The following DLGAP1 variants were observed in gnomAD, a reference collection of about 807,000 sequenced individuals.
DLGAP1 encodes the protein disks large-associated protein 1.
In DLGAP1, 11 loss-of-function variants were observed where a neutral mutation model predicts 90.8. That is an observed-to-expected ratio of 0.12 (90% CI 0.08 to 0.20). DLGAP1 has a LOEUF of 0.20. Among genes scored for constraint, DLGAP1 ranks in the 10% least tolerant of loss-of-function variants. The pLI is 1.00. For missense variants in DLGAP1, 1,050 were observed against 1,333.8 expected (o/e 0.79, Z 3.31); for synonymous variants, 558 against 540.7 (o/e 1.03, Z -0.44).
chr18:3,726,311 T>C (rs748950856), intron 7 of DLGAP1, among the ~76,000 whole-genome samples: 1 of 152,178 alleles, frequency 6.6e-6, no homozygotes, highest in Non-Finnish European at 1.5e-5. Flanking sequence ...TTAGGTCCTG[T>C]AAGAAAATCA....
intron 7 of DLGAP1, among the ~76,000 whole-genome samples, chr18:3,617,464 G>A (rs1177010075): frequency 1.3e-5 from 2 of 152,088 alleles, no homozygotes; most frequent in East Asian, 3.9e-4. Context: ...GCTGGGCGTG[G>A]TGGTGGGCGC....
intron 2 of DLGAP1, among the ~76,000 whole-genome samples, chr18:4,038,875 G>T (rs1274552837): frequency 6.6e-6 from 1 of 152,052 alleles, no homozygotes; most frequent in Non-Finnish European, 1.5e-5. Flanking sequence ...CAAACTTGGT[G>T]CCTTAAAACC....
chr18:4,339,841 A>C (rs1479033547), intron 1 of DLGAP1, among the ~76,000 whole-genome samples: 6 of 152,226 alleles, frequency 3.9e-5, no homozygotes, highest in Non-Finnish European at 8.8e-5. Flanking sequence ...ACAAAAAGTG[A>C]AAGAAGATAT....
intron 4 of DLGAP1, among the ~76,000 whole-genome samples, chr18:3,878,889 A>T (rs891001428): frequency 2.6e-5 from 4 of 152,162 alleles, no homozygotes. Context: ...TTTTCAAAGC[A>T]CTTGGATATC....
At chr18:3,932,649 G>A (rs1281653959) in intron 3 of DLGAP1, among the ~76,000 whole-genome samples, 1 of 152,168 alleles carries the variant, frequency 6.6e-6, no homozygotes, top group Non-Finnish European at 1.5e-5. Context: ...CCTGGTCTCT[G>A]TCAATCTATC....
chr18:4,362,458 T>A (rs947649709), intron 1 of DLGAP1, among the ~76,000 whole-genome samples: 1 of 152,124 alleles, frequency 6.6e-6, no homozygotes, highest in African/African-American at 2.4e-5. Flanking sequence ...TTACACTAAG[T>A]GAAATAAGCC....
chr18:4,423,687 C>T (rs1464538008), intron 1 of DLGAP1, among the ~76,000 whole-genome samples: 1 of 151,922 alleles, frequency 6.6e-6, no homozygotes, highest in Non-Finnish European at 1.5e-5. Flanking sequence ...CCTCTTCTAA[C>T]ACATACCTAA....
At chr18:3,571,591 A>T (rs1305964313) in intron 8 of DLGAP1, 3 of 151,836 alleles carry the variant, frequency 2.0e-5, no homozygotes, top group Non-Finnish European at 4.4e-5. Context: ...GCAGTGGCGC[A>T]GTCTCGGCTC....
chr18:3,551,394 G>T (rs1164923493), intron 9 of DLGAP1, among the ~76,000 whole-genome samples: 1 of 151,386 alleles, frequency 6.6e-6, no homozygotes, highest in East Asian at 2.0e-4. Context: ...GATTACAGGT[G>T]CCCACCATCA....
intron 7 of DLGAP1, among the ~76,000 whole-genome samples, chr18:3,683,393 C>G (rs1387185911): frequency 6.6e-6 from 1 of 152,156 alleles, no homozygotes; most frequent in Non-Finnish European, 1.5e-5. Flanking sequence ...TGTTCTGATA[C>G]AATCCTGTAA....
At chr18:4,340,023 C>T (rs1035710425) in intron 1 of DLGAP1, among the ~76,000 whole-genome samples, 1 of 152,066 alleles carries the variant, frequency 6.6e-6, no homozygotes, top group Non-Finnish European at 1.5e-5. Context: ...TCTTCCAAGA[C>T]CCCCAGCTGA....
intron 1 of DLGAP1, among the ~76,000 whole-genome samples, chr18:4,365,321 C>G (rs1376183190): frequency 6.6e-6 from 1 of 152,046 alleles, no homozygotes; most frequent in Admixed American, 6.6e-5. Flanking sequence ...AAACCCAAAG[C>G]CAACAGATTT....
At chr18:4,187,224 C>T (rs1379439570) in intron 1 of DLGAP1, among the ~76,000 whole-genome samples, 1 of 152,152 alleles carries the variant, frequency 6.6e-6, no homozygotes, top group Non-Finnish European at 1.5e-5. Context: ...TTCTTCTCTT[C>T]CTATCTGGAT....
chr18:3,779,961 T>G (rs2065116801), intron 5 of DLGAP1, among the ~76,000 whole-genome samples: 1 of 151,950 alleles, frequency 6.6e-6, no homozygotes, highest in African/African-American at 2.4e-5. Context: ...ATTTTTGTAT[T>G]TTTTAGTAGA....
At chr18:3,563,660 G>T (rs186404514) in intron 9 of DLGAP1, among the ~76,000 whole-genome samples, 1 of 151,844 alleles carries the variant, frequency 6.6e-6, no homozygotes, top group Non-Finnish European at 1.5e-5. Context: ...GTAGAGATGG[G>T]GTTTCTCCAT....
intron 1 of DLGAP1, among the ~76,000 whole-genome samples, chr18:4,415,349 A>C (rs1020775241): frequency 6.6e-6 from 1 of 152,226 alleles, no homozygotes; most frequent in African/African-American, 2.4e-5. Flanking sequence ...GTGATATGAC[A>C]ATGTTTATAA....
intron 3 of DLGAP1, among the ~76,000 whole-genome samples, chr18:3,899,706 A>G (rs1165381793): frequency 1.3e-5 from 2 of 152,158 alleles, no homozygotes; most frequent in Non-Finnish European, 2.9e-5. Context: ...TTCTCTTACT[A>G]TCCCACTTTC....
At chr18:4,090,558 C>T (rs2075758789) in intron 2 of DLGAP1, among the ~76,000 whole-genome samples, 1 of 152,160 alleles carries the variant, frequency 6.6e-6, no homozygotes, top group African/African-American at 2.4e-5. Flanking sequence ...CATCTCATGC[C>T]AGTTAGAATG....
chr18:3,654,111 G>A (rs1269220185), intron 7 of DLGAP1: 6 of 152,198 alleles, frequency 3.9e-5, no homozygotes, highest in Admixed American at 6.6e-5. Context: ...GCATGCTCCC[G>A]AGCCTCAGAC....
Sources: gnomAD v4.1 joint callset for allele counts (sites outside exome capture counted in the v4.1 genomes callset) on GRCh38, gnomAD v4.1.1 for gene constraint, MANE v1.5 for transcripts, NCBI Gene and HGNC (gene_info 2026-07-23, HGNC 2026-07-21) for gene names.